BNC2: variants seen among roughly 807,000 people sequenced by gnomAD.
BNC2 encodes the protein basonuclin zinc finger protein 2.
A neutral mutation model predicts 76.3 loss-of-function variants in BNC2; 20 were observed. The observed-to-expected ratio is 0.26, with a 90% CI of 0.18 to 0.38. BNC2 has a LOEUF of 0.38. Among genes scored for constraint, BNC2 ranks in the 10% least tolerant of loss-of-function variants. The pLI is 1.00. For synonymous variants in BNC2, 582 were observed against 514.8 expected, an observed-to-expected ratio of 1.13 and a Z score of -1.77; for missense variants, 1,382 against 1,399.8, an observed-to-expected ratio of 0.99 and a Z score of 0.20.
At chr9:16,573,979 A>G (rs1414310768) in intron 4 of BNC2, among the ~76,000 whole-genome samples, 1 of 152,200 alleles carries the variant, frequency 6.6e-6, no homozygotes. Flanking sequence ...ACACTTCAGT[A>G]AAGAGGGGAG....
intron 1 of BNC2, among the ~76,000 whole-genome samples, chr9:16,856,829 C>T (rs1027554090): frequency 1.3e-5 from 2 of 152,046 alleles, no homozygotes; most frequent in Non-Finnish European, 2.9e-5. Flanking sequence ...TGTTAGCATT[C>T]GTGTTGATAG....
intron 1 of BNC2, among the ~76,000 whole-genome samples, chr9:16,809,644 GGC>G (rs1460945000): frequency 1.3e-5 from 2 of 152,042 alleles, no homozygotes; most frequent in Non-Finnish European, 2.9e-5. Context: ...TGGGTGTGGT[GGC>G]GCGTGCCTGT....
In BNC2 at chr9:16,854,707, C is replaced by T. The variant is rs186490615; in HGVS notation, c.3+15939G>A. Among the ~76,000 whole-genome samples the T allele has an allele frequency of 5.8e-4, 88 of 152,054 alleles. 1 individual carries two copies. Among genetic ancestry groups the T allele is most frequent in the Admixed American group, 5.6e-3 (86 of 15,264 alleles). Reference sequence around the variant, plus strand: ...AGATCCATAAAAAACCAAAGAGAGGCAAAGTCACCTTAACAACTAGCTCCC... The same window carrying T: ...AGATCCATAAAAAACCAAAGAGAGGTAAAGTCACCTTAACAACTAGCTCCC... On this transcript the variant is annotated intron_variant, in intron 1 of 6. Coordinates refer to ENST00000380672, the MANE Select transcript of BNC2 (RefSeq NM_017637.6).
At chr9:16,629,783 T>C (rs1821107379) in intron 3 of BNC2, among the ~76,000 whole-genome samples, 1 of 152,202 alleles carries the variant, frequency 6.6e-6, no homozygotes, top group African/African-American at 2.4e-5. Context: ...ACTTTATTGC[T>C]AAAAAATGCT....
At chr9:16,501,194 T>C (rs1180204872) in intron 5 of BNC2, among the ~76,000 whole-genome samples, 1 of 152,220 alleles carries the variant, frequency 6.6e-6, no homozygotes, top group East Asian at 1.9e-4. Flanking sequence ...TCTAATGCTA[T>C]TATGATTGTA....
intron 1 of BNC2, among the ~76,000 whole-genome samples, chr9:16,819,389 A>T (rs1321047880): frequency 6.6e-6 from 1 of 152,216 alleles, no homozygotes; most frequent in Non-Finnish European, 1.5e-5. Context: ...CAGGCTGGGC[A>T]CAATGGCTCA....
Position 16,419,521 on chromosome 9 carries a change from G to A in BNC2, c.2768C>T (p.Ala923Val), listed in dbSNP as rs117452684. The stretch of plus-strand genomic sequence containing the variant: ...GACATCGAGCCCCATGGGGTGCTGG[G>A]CACCATATATCTTCACCAAAAATTC... ...RDEFLVKIYG[A>V]QHPMGLDVRE... The change falls in exon 7 of 7, where the codon GCC becomes GTC. Residue 923 changes from alanine to valine, a missense_variant. Physicochemically the swap from Ala to Val is moderately conservative, Grantham distance 64 (BLOSUM62 0). Around this residue, in one of 3 missense-constraint regions of BNC2, gnomAD observed 798 missense variants for 775.5 expected, o/e 1.03. Transcript: ENST00000380672. 47,608 of 1,614,110 alleles carry A rather than the reference G, an allele frequency of 0.029. 848 individuals carry two copies. The highest frequency in any genetic ancestry group is 0.036 in the Non-Finnish European group (42,706 of 1,179,996).
intron 3 of BNC2, among the ~76,000 whole-genome samples, chr9:16,678,192 A>AT (rs1266606649): frequency 6.7e-6 from 1 of 149,162 alleles, no homozygotes. Flanking sequence ...GAGATAAAAT[A>AT]TTTTTAGCAA....
intron 1 of BNC2, among the ~76,000 whole-genome samples, chr9:16,748,792 A>G (rs4961752): frequency 0.86 from 120,611 of 139,776 alleles, 52,451 homozygotes; most frequent in Non-Finnish European, 0.92. Context: ...GCAGTGAGCC[A>G]AGATCAGGCC....
chr9:16,784,782 T>C (rs779971230), intron 1 of BNC2, among the ~76,000 whole-genome samples: 47 of 152,326 alleles, frequency 3.1e-4, no homozygotes, highest in Non-Finnish European at 5.7e-4. Flanking sequence ...AAAAGAGTGA[T>C]GTGAACTCAC....
intron 1 of BNC2, among the ~76,000 whole-genome samples, chr9:16,787,953 T>C (rs1023532190): frequency 1.3e-5 from 2 of 152,050 alleles, no homozygotes; most frequent in African/African-American, 2.4e-5. Flanking sequence ...ACAAGATGAG[T>C]CAGCCACATC....
intron 3 of BNC2, among the ~76,000 whole-genome samples, chr9:16,668,745 G>A (rs1455168162): frequency 6.6e-6 from 1 of 152,130 alleles, no homozygotes; most frequent in Non-Finnish European, 1.5e-5. Context: ...TGTTACCTAG[G>A]GTAAGTGTGT....
intron 2 of BNC2, among the ~76,000 whole-genome samples, chr9:16,738,000 T>C (rs923460591): frequency 2.5e-4 from 38 of 152,036 alleles, no homozygotes; most frequent in African/African-American, 8.7e-4. Flanking sequence ...ACTAACACTA[T>C]TAATATAGTA....
chr9:16,632,092 G>C (rs1821178003), intron 3 of BNC2, among the ~76,000 whole-genome samples: 2 of 152,126 alleles, frequency 1.3e-5, no homozygotes, highest in Non-Finnish European at 2.9e-5. Context: ...GAGATTCTAA[G>C]TTTCCCTTCA....
intron 3 of BNC2, among the ~76,000 whole-genome samples, chr9:16,590,194 T>C (rs896394541): frequency 7.9e-5 from 12 of 152,116 alleles, no homozygotes; most frequent in Non-Finnish European, 1.0e-4. Context: ...GAAATTTTTT[T>C]TTAATTTTTC....
intron 3 of BNC2, among the ~76,000 whole-genome samples, chr9:16,634,303 G>A (rs940055036): frequency 9.2e-5 from 14 of 151,830 alleles, no homozygotes; most frequent in African/African-American, 3.4e-4. Flanking sequence ...TACCTTGTCC[G>A]CTATTTAAAA....
chr9:16,610,718 A>G (rs562025125), intron 3 of BNC2, among the ~76,000 whole-genome samples: 1 of 152,316 alleles, frequency 6.6e-6, no homozygotes, highest in South Asian at 2.1e-4. Context: ...AACACTCAGA[A>G]GATCATTAGG....
intron 5 of BNC2, among the ~76,000 whole-genome samples, chr9:16,448,341 T>A (rs1563788458): frequency 6.6e-6 from 1 of 152,068 alleles, no homozygotes; most frequent in African/African-American, 2.4e-5. Context: ...CGCAAAAAAT[T>A]TTTTTACATG....
chr9:16,575,197 C>T (rs1363471907), intron 4 of BNC2: 3 of 923,686 alleles, frequency 3.2e-6, no homozygotes, highest in East Asian at 1.2e-4. Flanking sequence ...GTGACAGAGC[C>T]GCGACGTGAA....
Sources: gnomAD v4.1 joint callset for allele counts (sites outside exome capture counted in the v4.1 genomes callset) on GRCh38, gnomAD v4.1.1 for gene constraint, gnomAD v4.1.1 regional missense constraint, MANE v1.5 for transcripts, NCBI Gene and HGNC (gene_info 2026-07-23, HGNC 2026-07-21) for gene names.